The following INTS10 variants were observed in gnomAD, a reference collection of about 807,000 sequenced individuals.
INTS10 encodes the protein chromosome 8 open reading frame 35.
A neutral mutation model predicts 94.4 loss-of-function variants in INTS10; 44 were observed. The observed-to-expected ratio is 0.47, with a 90% confidence interval of 0.37 to 0.60. The LOEUF is 0.60. INTS10 is among the 20% of genes least tolerant of loss of function. INTS10 has a pLI of 0.00. For missense variants in INTS10, 797 were observed against 868.7 expected (o/e 0.92, Z 1.04); for synonymous variants, 341 against 320.7 (o/e 1.06, Z -0.68).
intron 9 of INTS10, among the ~76,000 whole-genome samples, chr8:19,827,697 T>G (rs115550802): frequency 1.2e-3 from 181 of 152,260 alleles, no homozygotes; most frequent in African/African-American, 4.2e-3. Flanking sequence ...CAAGCACTCA[T>G]CTAGCAAGCC....
rs772125641 is a variant in INTS10, at chr8:19,851,657, C to G, written c.1985C>G (p.Thr662Ser). 6.2e-7 allele frequency: 1 copy of G among 1,614,200 alleles called. No homozygotes were observed. The highest frequency in any genetic ancestry group is 8.5e-7 in the Non-Finnish European group (1 of 1,180,020). ...PNQGMLIKHHTVTRGITKGVK... is the reference protein window; with the variant it reads ...PNQGMLIKHHSVTRGITKGVK... ...CCTATTGCTGACCTCAGGCACCACA[C>G]TGTAACTCGAGGCATCACCAAAGGC... The change falls in exon 17 of 17, where the codon ACT (threonine) becomes AGT (serine). Residue 662 changes from threonine (T) to serine (S), a missense_variant. Physicochemically the swap from Thr to Ser is moderately conservative, Grantham distance 58. This residue lies in a region of INTS10 where 16 missense variants were observed against 39.1 expected (regional missense o/e 0.41). Coordinates refer to ENST00000397977, the MANE Select transcript of INTS10 (RefSeq NM_018142.4). This position sits in a 1 kb window ranked among gnomAD's most constrained non-coding sequence, Gnocchi z 5.0.
chr8:19,842,762 A>T, intron 13 of INTS10, 86 bp from the exon 14 acceptor site: 1 of 762,682 alleles, frequency 1.3e-6, no homozygotes, highest in Non-Finnish European at 2.2e-6. Flanking sequence ...TGTTGTTGTT[A>T]ATGAAAGCAT....
chr8:19,831,175 G>C (rs369883203), intron 10 of INTS10, among the ~76,000 whole-genome samples: 1 of 152,126 alleles, frequency 6.6e-6, no homozygotes, highest in Admixed American at 6.5e-5. Flanking sequence ...TTCATCCCCT[G>C]GCTGCAGTCA....
Position 19,851,525 on chromosome 8 carries a change from C to CAGATA in INTS10, c.1977-124_1977-123insAGATA. ...GGTTGGTTGCAGCTATTCTTGTGTT[C>CAGATA]TTTTTAAAATATCTGAAATTATACT... is the stretch of plus-strand genomic sequence containing the variant. On this transcript the variant is annotated intron_variant, in intron 16 of 16. Transcript: ENST00000397977. The surrounding 1 kb of genome is among the most constrained non-coding windows in gnomAD (Gnocchi z 5.0). 1 of 890,548 alleles carries CAGATA rather than the reference C, an allele frequency of 1.1e-6. No homozygotes were observed. 55.2% of individuals were successfully genotyped at this position (890,548 alleles called of 1,614,324 possible).
chr8:19,844,028 C>T (rs773990254), intron 14 of INTS10, 48 bp from the exon 15 acceptor site: 6 of 1,464,358 alleles, frequency 4.1e-6, no homozygotes, highest in Admixed American at 4.3e-5. Context: ...TTCAGATTAC[C>T]CTGTGACTTC....
intron 13 of INTS10, among the ~76,000 whole-genome samples, chr8:19,838,058 G>T (rs2067806242): frequency 6.6e-6 from 1 of 152,116 alleles, no homozygotes; most frequent in Non-Finnish European, 1.5e-5. Context: ...AAAATAAACA[G>T]AAAATCAGAA....
rs766593340 is a variant in INTS10 at position 19,824,884 on chromosome 8, T to C, written c.918T>C (p.Tyr306=). Residue 306 remains tyrosine, a synonymous_variant, in exon 8 of 17, where the codon TAT becomes TAC. Transcript: ENST00000397977. The part of the protein sequence containing the change: ...NNFDSEAHAK[Y]KNQVVYSTML... ...TTGATAGTGAAGCACATGCAAAATATAAAAACCAAGTGGTGTATTCCACCA... is the reference window on the plus strand; with the variant it reads ...TTGATAGTGAAGCACATGCAAAATACAAAAACCAAGTGGTGTATTCCACCA... The C allele has an allele frequency of 4.3e-6, 7 of 1,613,686 alleles. No individual in the cohort carries two copies. Among genetic ancestry groups the C allele is most frequent in the Non-Finnish European group, 5.9e-6 (7 of 1,179,614 alleles).
At chr8:19,840,002 T>G (rs2067995984) in intron 13 of INTS10, among the ~76,000 whole-genome samples, 1 of 143,452 alleles carries the variant, frequency 7.0e-6, no homozygotes, top group Admixed American at 7.3e-5. Flanking sequence ...GGTGGAGGTT[T>G]CATTGAGCCA....
intron 15 of INTS10, 31 bp from the exon 16 acceptor site, chr8:19,845,673 T>A: frequency 6.5e-7 from 1 of 1,528,394 alleles, no homozygotes; most frequent in Non-Finnish European, 9.1e-7. Flanking sequence ...CACCTTTTTT[T>A]ACATGTGGTT....
intron 13 of INTS10, among the ~76,000 whole-genome samples, chr8:19,842,308 G>A (rs2068194208): frequency 6.6e-6 from 1 of 152,184 alleles, no homozygotes; most frequent in Non-Finnish European, 1.5e-5. Context: ...GCAATTTGCA[G>A]AAGGATACAT....
chr8:19,845,826 G>A, intron 16 of INTS10, 29 bp downstream of exon 16: 1 of 1,456,914 alleles, frequency 6.9e-7, no homozygotes. Context: ...GCTCTTCCAT[G>A]CTGAGTGCTC....
In INTS10 at chr8:19,842,866, T is replaced by A; in HGVS notation, c.1658T>A (p.Leu553Gln). ...KFRKGSDLKL[L>Q]PCTSKAIMPY... is the part of the protein sequence containing the mutation. ...CTGTTAGGTTCGGATCTGAAGCTCC[T>A]GCCTTGTACCAGCAAGGCTATCATG... Residue 553 changes from leucine to glutamine, a missense_variant, in exon 14 of 17, where the codon CTG (leucine) becomes CAG (glutamine). By Grantham distance (113) the Leu-to-Gln change is moderately radical. Coordinates refer to ENST00000397977, the MANE Select transcript of INTS10 (RefSeq NM_018142.4). The A allele has an allele frequency of 6.2e-7, 1 of 1,612,462 alleles. No individual in the cohort carries two copies. The highest frequency in any genetic ancestry group is 1.3e-5 in the African/African-American group (1 of 75,008).
Position 19,846,164 on chromosome 8 carries a change from G to A in INTS10, c.1976+367G>A, listed in dbSNP as rs1305013527. On this transcript the variant is annotated intron_variant, in intron 16 of 16. Coordinates refer to ENST00000397977, the MANE Select transcript of INTS10 (RefSeq NM_018142.4). The surrounding 1 kb of genome is among the most constrained non-coding windows in gnomAD (Gnocchi z 4.2). ...TGGCCAGGCATGGTGGCTCACGCCT[G>A]TAATCTCAACACTTTGGGAGGCCAA... is the stretch of plus-strand genomic sequence containing the variant. 6.6e-6 allele frequency among the ~76,000 whole-genome samples: 1 copy of A among 151,774 alleles called. No homozygotes were observed. The highest frequency in any genetic ancestry group is 1.9e-4 in the East Asian group (1 of 5,158).
intron 6 of INTS10, 125 bp from the exon 7 acceptor site, chr8:19,823,748 A>G (rs1294957919): frequency 9.0e-6 from 8 of 885,536 alleles, no homozygotes; most frequent in Non-Finnish European, 1.4e-5. Context: ...CCTTGAGCAA[A>G]ACATAAGTAT....
At chr8:19,826,368 C>A in intron 8 of INTS10, 58 bp from the exon 9 acceptor site, 1 of 1,534,604 alleles carries the variant, frequency 6.5e-7, no homozygotes, top group South Asian at 1.3e-5. Context: ...AGGCATGAGC[C>A]ACCGCGCCTG....
At chr8:19,832,179 C>T (rs745381498) in intron 11 of INTS10, 69 bp downstream of exon 11, 12 of 860,386 alleles carry the variant, frequency 1.4e-5, no homozygotes, top group Non-Finnish European at 2.4e-5. Context: ...ACCAGCTTTC[C>T]TATGCAGAAT....
rs562992082 is a variant in INTS10, at chr8:19,833,245, C to T, written c.1454C>T (p.Thr485Ile). ...LQGSISQPQI[T>I]GQGTLEHQRA... Reference sequence around the variant, plus strand: ...GGATCCATTTCTCAGCCACAGATCACAGGGCAGGGGACCCTGGAGCATCAG... The same window carrying T: ...GGATCCATTTCTCAGCCACAGATCATAGGGCAGGGGACCCTGGAGCATCAG... Residue 485 changes from threonine to isoleucine, a missense_variant, in exon 12 of 17, where the codon ACA (threonine) becomes ATA (isoleucine). Coordinates refer to ENST00000397977, the MANE Select transcript of INTS10 (RefSeq NM_018142.4). 8 of 1,613,082 alleles carry T rather than the reference C, an allele frequency of 5.0e-6. No homozygotes were observed. The Admixed American group carries it at 1.2e-4, about 24-fold the overall frequency.
Position 19,846,271 on chromosome 8 carries a change from A to G in INTS10, c.1976+474A>G, listed in dbSNP as rs2068576975. Among the ~76,000 whole-genome samples, 1 of 151,904 alleles carries G rather than the reference A, an allele frequency of 6.6e-6. No individual in the cohort carries two copies. The highest frequency in any genetic ancestry group is 1.5e-5 in the Non-Finnish European group (1 of 67,998). On this transcript the variant is annotated intron_variant, in intron 16 of 16. Transcript: ENST00000397977. This position sits in a 1 kb window ranked among gnomAD's most constrained non-coding sequence, Gnocchi z 4.2. ...ACCCCGTCTCTACTAAAAATACAAA[A>G]AAAAAAAAAAAATTATGTGGGCATG...
chr8:19,822,564 A>G lies in INTS10; in HGVS notation c.523+44A>G, dbSNP rs558633291. On this transcript the variant is annotated intron_variant, in intron 5 of 16. Coordinates refer to ENST00000397977, the MANE Select transcript of INTS10 (RefSeq NM_018142.4). ...TCTATTACTTCTATGGTAAATTAAT[A>G]TGCTGGGGTAAGTGTTGGTTCAGGG... is the stretch of plus-strand genomic sequence containing the variant. The G allele has an allele frequency of 9.1e-6, 11 of 1,209,262 alleles. No individual in the cohort carries two copies. In the South Asian group the frequency reaches 1.1e-4, roughly 12 times the overall value. 74.9% of individuals were successfully genotyped at this position (1,209,262 alleles called of 1,614,324 possible).
Sources: gnomAD v4.1 joint callset for allele counts (sites outside exome capture counted in the v4.1 genomes callset) on GRCh38, gnomAD v4.1.1 for gene constraint, gnomAD v4.1.1 regional missense constraint, Gnocchi (gnomAD v3.1) non-coding constraint, MANE v1.5 for transcripts, NCBI Gene and HGNC (gene_info 2026-07-23, HGNC 2026-07-21) for gene names.